The following ERICH3 variants were observed in gnomAD, a reference collection of about 807,000 sequenced individuals.
The protein encoded by ERICH3 is glutamate rich 3, also known as glutamate-rich protein 3.
ERICH3 carries 126 observed loss-of-function variants against 131.1 expected under a neutral mutation model. The ratio of observed to expected loss-of-function variants is 0.96; its 90% CI spans 0.83 to 1.11. The LOEUF is 1.11. ERICH3 is among the 50% of genes most tolerant of loss of function. The probability of loss-of-function intolerance (pLI) is 0.00; values close to 1 mark genes in which losing one functional copy is unlikely to be tolerated. For missense variants in ERICH3, 2,050 were observed against 1,810.7 expected (o/e 1.13, Z -2.40); for synonymous variants, 695 against 644.6 (o/e 1.08, Z -1.18).
chr1:74,590,746 G>A (rs750239453), intron 11 of ERICH3, among the ~76,000 whole-genome samples: 1 of 152,078 alleles, frequency 6.6e-6, no homozygotes, highest in South Asian at 2.1e-4. Context: ...TCCGTGGCCC[G>A]GGGATTAGAT....
chr1:74,621,009 T>G (rs1265293210), intron 7 of ERICH3, 95 bp from the exon 8 acceptor site: 2 of 1,004,260 alleles, frequency 2.0e-6, no homozygotes, highest in Admixed American at 7.6e-5. Context: ...GAAGGTTATT[T>G]TTAAGTACCT....
At chr1:74,621,985 A>G (rs1366842881) in intron 7 of ERICH3, 6 of 152,212 alleles carry the variant, frequency 3.9e-5, no homozygotes, top group Non-Finnish European at 8.8e-5. Flanking sequence ...GCAGAGACCA[A>G]CTTTAAGTGG....
At chr1:74,673,378 C>T (rs1241809612) in intron 1 of ERICH3, 119 bp downstream of exon 1, 7 of 1,254,576 alleles carry the variant, frequency 5.6e-6, no homozygotes, top group Non-Finnish European at 7.8e-6. Context: ...TTTTCCTCTC[C>T]CCAGCCCTCC....
intron 10 of ERICH3, among the ~76,000 whole-genome samples, chr1:74,605,061 C>T (rs764299735): frequency 1.2e-4 from 18 of 151,928 alleles, no homozygotes; most frequent in Admixed American, 3.9e-4. Flanking sequence ...AAATGATCTT[C>T]GCTAGGTCTT....
rs749575117 is a variant in ERICH3 at position 74,636,465 on chromosome 1, T to C, written c.445-27A>G. On this transcript the variant is annotated intron_variant, in intron 5 of 14. Coordinates refer to ENST00000326665, the MANE Select transcript of ERICH3 (RefSeq NM_001002912.5). ...TAGACAATTAGGGGAAAAAATTCCA[T>C]TTAAATTAGTATCTTGACATGTTTC... The C allele has an allele frequency of 6.3e-6, 10 of 1,582,074 alleles. No homozygotes were observed. The East Asian group carries it at 2.2e-4, about 35-fold the overall frequency.
intron 1 of ERICH3, 47 bp downstream of exon 1, chr1:74,673,450 G>C (rs374804293): frequency 1.9e-5 from 30 of 1,607,460 alleles, no homozygotes; most frequent in East Asian, 1.1e-4. Context: ...GCAGCTGGCT[G>C]AAGCCGCCAC....
intron 12 of ERICH3, chr1:74,579,980 T>G: frequency 2.7e-6 from 2 of 736,744 alleles, no homozygotes; most frequent in South Asian, 6.1e-5. Context: ...AAAATATTCT[T>G]ATTTTACAAT....
intron 12 of ERICH3, 117 bp from the exon 13 acceptor site, chr1:74,577,053 T>G (rs1380632288): frequency 1.3e-6 from 1 of 780,154 alleles, no homozygotes; most frequent in Non-Finnish European, 2.0e-6. Context: ...TGTTCAACTA[T>G]CTGGGAGGCA....
chr1:74,603,359 T>C (rs548781877), intron 10 of ERICH3, among the ~76,000 whole-genome samples: 1 of 152,032 alleles, frequency 6.6e-6, no homozygotes, highest in East Asian at 1.9e-4. Context: ...TTTTTGTGTA[T>C]CTAAGCCTCA....
chr1:74,644,597 T>G (rs1375928471), intron 3 of ERICH3, among the ~76,000 whole-genome samples: 2 of 152,018 alleles, frequency 1.3e-5, no homozygotes, highest in Non-Finnish European at 2.9e-5. Flanking sequence ...AAATCTTTCT[T>G]CTGAGCTCTT....
intron 1 of ERICH3, among the ~76,000 whole-genome samples, chr1:74,665,146 T>C (rs1316634685): frequency 1.3e-5 from 2 of 151,660 alleles, no homozygotes; most frequent in African/African-American, 4.9e-5. Context: ...TCACCCCTTC[T>C]GCCATGTGAG....
At chr1:74,606,554 A>T (rs1439949058) in intron 10 of ERICH3, 47 bp downstream of exon 10, 1 of 1,526,850 alleles carries the variant, frequency 6.5e-7, no homozygotes, top group Non-Finnish European at 8.8e-7. Context: ...TCAAAGACAA[A>T]CGAAACAGCC....
intron 1 of ERICH3, among the ~76,000 whole-genome samples, chr1:74,668,057 T>C (rs576079873): frequency 5.3e-5 from 8 of 152,310 alleles, no homozygotes; most frequent in African/African-American, 1.9e-4. Flanking sequence ...ATTGTAAGTT[T>C]CTTGAGACCT....
Position 74,612,883 on chromosome 1 carries a change from A to G in ERICH3, c.1001-74T>C, listed in dbSNP as rs1330324641. 3.1e-6 allele frequency: 4 copies of G among 1,295,228 alleles called. No homozygotes were observed. In the South Asian group the frequency reaches 6.4e-5, roughly 21 times the overall value. The allele number at this position is 1,295,228 out of a possible 1,614,324, so 80.2% of individuals were successfully genotyped here. ...AACATCTGTTAAATCATGTTTTTCT[A>G]TTAGATAAACACAATATTATGATCT... On this transcript the variant is annotated intron_variant, in intron 8 of 14. Coordinates refer to ENST00000326665, the MANE Select transcript of ERICH3 (RefSeq NM_001002912.5).
chr1:74,636,238 C>A, intron 6 of ERICH3, 42 bp downstream of exon 6: 1 of 1,470,394 alleles, frequency 6.8e-7, no homozygotes, highest in Non-Finnish European at 9.2e-7. Context: ...TAATAATCTA[C>A]TCAAAAATTA....
intron 7 of ERICH3, 35 bp from the exon 8 acceptor site, chr1:74,620,949 A>G: frequency 6.9e-6 from 10 of 1,453,828 alleles, no homozygotes; most frequent in Non-Finnish European, 9.2e-6. Flanking sequence ...TTATTAACGA[A>G]TTACTTTCTA....
chr1:74,606,302 G>C (rs971723850), intron 10 of ERICH3, among the ~76,000 whole-genome samples: 6 of 151,830 alleles, frequency 4.0e-5, no homozygotes, highest in Non-Finnish European at 7.4e-5. Flanking sequence ...AATTCTATTT[G>C]GTGAAAATGG....
At chr1:74,655,152 C>G (rs978025223) in intron 1 of ERICH3, among the ~76,000 whole-genome samples, 1 of 152,130 alleles carries the variant, frequency 6.6e-6, no homozygotes, top group African/African-American at 2.4e-5. Flanking sequence ...AAAATTTCCT[C>G]AAAAGCATAC....
intron 12 of ERICH3, among the ~76,000 whole-genome samples, chr1:74,580,916 CCCTTTCACTTTCCCCG>C (rs753292528): frequency 6.6e-6 from 1 of 152,116 alleles, no homozygotes; most frequent in Non-Finnish European, 1.5e-5. Context: ...ATCCACGGCC[CCCTTTCACTTTCCCCG>C]CCTGGTAGTC....
Sources: allele counts gnomAD v4.1 joint callset (sites outside exome capture counted in the v4.1 genomes callset), GRCh38; gene constraint gnomAD v4.1.1; transcripts MANE v1.5; gene names NCBI Gene and HGNC (gene_info 2026-07-23, HGNC 2026-07-21).